The following ABRAXAS2 variants were observed in gnomAD, a reference collection of about 807,000 sequenced individuals.
The protein encoded by ABRAXAS2 is abraxas 2, BRISC complex subunit.
A neutral mutation model predicts 49.0 loss-of-function variants in ABRAXAS2; 23 were observed. The ratio of observed to expected loss-of-function variants is 0.47; its 90% CI spans 0.34 to 0.66. The LOEUF (loss-of-function observed/expected upper bound fraction) is 0.66. ABRAXAS2 is among the 30% of genes least tolerant of loss of function. The pLI, the probability that ABRAXAS2 is intolerant of heterozygous loss-of-function variation, is 0.01. For synonymous variants in ABRAXAS2, 168 were observed against 180.2 expected, an observed-to-expected ratio of 0.93 and a Z score of 0.54; for missense variants, 443 against 511.9, an observed-to-expected ratio of 0.87 and a Z score of 1.30.
intron 2 of ABRAXAS2, among the ~76,000 whole-genome samples, chr10:124,809,452 T>G (rs983816370): frequency 6.1e-5 from 7 of 114,832 alleles, no homozygotes; most frequent in African/African-American, 2.3e-4. Flanking sequence ...GCCCGGCTAA[T>G]TTTTGTATTT....
intron 7 of ABRAXAS2, 131 bp from the exon 8 acceptor site, chr10:124,831,218 T>C: frequency 1.6e-6 from 1 of 641,154 alleles, no homozygotes; most frequent in African/African-American, 1.9e-5. Flanking sequence ...ATGATTTTGT[T>C]CTACCTTATG....
intron 2 of ABRAXAS2, among the ~76,000 whole-genome samples, chr10:124,815,317 C>G (rs78816660): frequency 6.6e-6 from 1 of 152,248 alleles, no homozygotes; most frequent in African/African-American, 2.4e-5. Flanking sequence ...GCCTCAGCCT[C>G]CCAAGTAGCT....
chr10:124,816,485 AT>A, intron 2 of ABRAXAS2, 90 bp from the exon 3 acceptor site: 1 of 759,792 alleles, frequency 1.3e-6, no homozygotes. Flanking sequence ...GTTGTCAGAG[AT>A]TTTGATTAAA....
intron 4 of ABRAXAS2, among the ~76,000 whole-genome samples, chr10:124,820,053 TGAG>T (rs2134166108): frequency 1.3e-5 from 2 of 152,316 alleles, no homozygotes; most frequent in South Asian, 4.1e-4. Flanking sequence ...AACCATCTCT[TGAG>T]GAAGAAAGTA....
At chr10:124,821,890 A>AT (rs1950863462) in intron 4 of ABRAXAS2, among the ~76,000 whole-genome samples, 1 of 152,252 alleles carries the variant, frequency 6.6e-6, no homozygotes, top group African/African-American at 2.4e-5. Flanking sequence ...ACAACCTGGA[A>AT]TAACTGAACA....
intron 5 of ABRAXAS2, 26 bp downstream of exon 5, chr10:124,826,811 C>T: frequency 6.2e-7 from 1 of 1,610,178 alleles, no homozygotes. Flanking sequence ...CCATCTGCCT[C>T]ACATATAAGA....
At position 124,819,467 on chromosome 10, in the gene ABRAXAS2, GC is replaced by G; in HGVS notation, c.267+20del. The G allele has an allele frequency of 6.2e-7, 1 of 1,610,002 alleles. No homozygotes were observed. The highest frequency in any genetic ancestry group is 2.2e-5 in the East Asian group (1 of 44,856). On this transcript the variant is annotated intron_variant, in intron 4 of 8. Transcript: ENST00000298492. ...CGGAGAAAGGTATGTTCTGTTTGTT[GC>G]CCAGTATGATTCTGAAATCGTTCCT...
rs780695309 is a variant in ABRAXAS2 at position 124,834,822 on chromosome 10, G to A, written c.1099G>A (p.Asp367Asn). Residue 367 changes from aspartate to asparagine, a missense_variant, in exon 9 of 9, where the codon GAC becomes AAC. Physicochemically the swap from Asp to Asn is conservative, Grantham distance 23. Coordinates refer to ENST00000298492, the MANE Select transcript of ABRAXAS2 (RefSeq NM_032182.4). ...TCCTCCTCCCCAAAGAGCAGCTGGAGACAGTGGTGAGGATTCAGACGACAG... is the reference window on the plus strand; with the variant it reads ...TCCTCCTCCCCAAAGAGCAGCTGGAAACAGTGGTGAGGATTCAGACGACAG... ...DLPPPQRAAG[D>N]SGEDSDDSDY... 2 of 1,614,170 alleles carry A rather than the reference G, an allele frequency of 1.2e-6. No homozygotes were observed. The highest frequency in any genetic ancestry group is 1.7e-6 in the Non-Finnish European group (2 of 1,180,032).
chr10:124,828,711 A>G, intron 5 of ABRAXAS2, 45 bp from the exon 6 acceptor site: 2 of 1,587,692 alleles, frequency 1.3e-6, no homozygotes, highest in Admixed American at 1.7e-5. Flanking sequence ...CTTGAATATG[A>G]TAGAATGGTA....
At chr10:124,810,737 C>G (rs1029395857) in intron 2 of ABRAXAS2, among the ~76,000 whole-genome samples, 9 of 151,304 alleles carry the variant, frequency 5.9e-5, no homozygotes, top group African/African-American at 2.2e-4. Context: ...TGCACGCCAC[C>G]ACTCCCAGCT....
In ABRAXAS2 at chr10:124,831,335, A is replaced by AT; in HGVS notation, c.664-7dup. 5 of 1,556,868 alleles carry AT rather than the reference A, an allele frequency of 3.2e-6. No homozygotes were observed. Among genetic ancestry groups the AT allele is most frequent in the Non-Finnish European group, 4.4e-6 (5 of 1,128,954 alleles). On this transcript the variant is annotated splice_polypyrimidine_tract_variant and intron_variant, in intron 7 of 8. Transcript: ENST00000298492. ...TGAACTTGAAGCTAACCTCGTTGTC[A>AT]TTTTTTTCCTCAGGCAGTGTGTGCA...
At chr10:124,827,750 C>CAA (rs11306353) in intron 5 of ABRAXAS2, among the ~76,000 whole-genome samples, 5 of 115,366 alleles carry the variant, frequency 4.3e-5, no homozygotes, top group Non-Finnish European at 3.7e-5. Context: ...CTTGTTAAAC[C>CAA]AAAAAAAAAA....
chr10:124,822,045 A>T (rs1450670805), intron 4 of ABRAXAS2, among the ~76,000 whole-genome samples: 1 of 152,234 alleles, frequency 6.6e-6, no homozygotes, highest in Non-Finnish European at 1.5e-5. Context: ...TCAGCAATTC[A>T]TGATGGAGCC....
chr10:124,818,674 G>A (rs1285024941), intron 3 of ABRAXAS2, among the ~76,000 whole-genome samples: 1 of 152,136 alleles, frequency 6.6e-6, no homozygotes, highest in Non-Finnish European at 1.5e-5. Flanking sequence ...AGAAGTAGAG[G>A]TGTGGCTTTC....
chr10:124,831,302 C>T (rs1374775068), intron 7 of ABRAXAS2, 47 bp from the exon 8 acceptor site: 1 of 1,160,320 alleles, frequency 8.6e-7, no homozygotes, highest in Admixed American at 1.7e-5. Flanking sequence ...TATGGAATGC[C>T]TTGTGCTTGA....
At chr10:124,816,551 A>C in intron 2 of ABRAXAS2, 25 bp from the exon 3 acceptor site, 1 of 1,559,434 alleles carries the variant, frequency 6.4e-7, no homozygotes, top group Non-Finnish European at 8.8e-7. Flanking sequence ...ATTAACTAAG[A>C]TGTATTTCCT....
chr10:124,804,522 G>A (rs897640806), intron 1 of ABRAXAS2, among the ~76,000 whole-genome samples: 1 of 151,962 alleles, frequency 6.6e-6, no homozygotes, highest in Admixed American at 6.6e-5. Context: ...TTGAAAGTGG[G>A]TATTTGTTTT....
At chr10:124,817,136 G>T (rs967167655) in intron 3 of ABRAXAS2, among the ~76,000 whole-genome samples, 2 of 152,120 alleles carry the variant, frequency 1.3e-5, no homozygotes, top group Non-Finnish European at 2.9e-5. Context: ...GGCACAGTAA[G>T]AGATGATTGA....
intron 7 of ABRAXAS2, among the ~76,000 whole-genome samples, chr10:124,831,067 A>G (rs1950929287): frequency 1.3e-5 from 2 of 152,216 alleles, no homozygotes; most frequent in Non-Finnish European, 1.5e-5. Context: ...TTTCATTTCA[A>G]TAAAAATGAT....
Sources: gnomAD v4.1 joint callset for allele counts (sites outside exome capture counted in the v4.1 genomes callset) on GRCh38, gnomAD v4.1.1 for gene constraint, MANE v1.5 for transcripts, NCBI Gene and HGNC (gene_info 2026-07-23, HGNC 2026-07-21) for gene names.